The following SLC24A2 variants were observed in gnomAD, a reference collection of about 807,000 sequenced individuals.
SLC24A2 encodes sodium/potassium/calcium exchanger 2.
A neutral mutation model predicts 62.0 loss-of-function variants in SLC24A2; 36 were observed. That is an observed-to-expected ratio of 0.58 (90% CI 0.44 to 0.77). The LOEUF (loss-of-function observed/expected upper bound fraction) is 0.77. Ranked by LOEUF, SLC24A2 falls within the 30% of genes least tolerant of loss-of-function variation. The probability of loss-of-function intolerance (pLI) is 0.00; values close to 1 mark genes in which losing one functional copy is unlikely to be tolerated. For missense variants in SLC24A2, 846 were observed against 817.9 expected, an observed-to-expected ratio of 1.03 and a Z score of -0.42; for synonymous variants, 358 against 294.0, an observed-to-expected ratio of 1.22 and a Z score of -2.23.
the SLC24A2 span, among the ~76,000 whole-genome samples, chr9:20,071,742 C>G: frequency 6.6e-6 from 1 of 152,076 alleles, no homozygotes; most frequent in Non-Finnish European, 1.5e-5. Context: ...TCTGGATAGA[C>G]AGTTTCAGAA....
At chr9:19,872,864 A>C in the SLC24A2 span, among the ~76,000 whole-genome samples, 1 of 152,288 alleles carries the variant, frequency 6.6e-6, no homozygotes, top group African/African-American at 2.4e-5. Flanking sequence ...GGGTCAGAGA[A>C]GAATCAAGTT....
At chr9:19,879,668 CGCTGATTAGAACTAAAT>C in the SLC24A2 span, among the ~76,000 whole-genome samples, 1 of 152,184 alleles carries the variant, frequency 6.6e-6, no homozygotes, top group East Asian at 1.9e-4. Context: ...GTAGGGGGCA[CGCTGATTAGAACTAAAT>C]GCTCTTGAGT....
At chr9:19,762,444 C>T (rs1282563308) in intron 2 of SLC24A2, among the ~76,000 whole-genome samples, 1 of 152,082 alleles carries the variant, frequency 6.6e-6, no homozygotes, top group African/African-American at 2.4e-5. Context: ...GGTTTTAGGT[C>T]TTACGTTTAA....
At position 19,516,088 on chromosome 9, in the gene SLC24A2, GGAGCCCA is replaced by G. The variant is rs1589114917; in HGVS notation, c.*58_*64del. On this transcript the variant is annotated 3_prime_UTR_variant, in exon 11 of 11. Coordinates refer to ENST00000341998, the MANE Select transcript of SLC24A2 (RefSeq NM_020344.4). Reference sequence around the variant, plus strand: ...CAGCTGCCTCTTCTCAAGAGGTCAAGGAGCCCAGAGCCCAGAGTGTGGAGGGACCATT... The same window carrying G: ...CAGCTGCCTCTTCTCAAGAGGTCAAGGAGCCCAGAGTGTGGAGGGACCATT... 3.7e-6 allele frequency: 6 copies of G among 1,603,670 alleles called. No homozygotes were observed. The East Asian group carries it at 8.9e-5, about 24-fold the overall frequency.
In SLC24A2 at chr9:19,698,081, A is replaced by C. The variant is rs59221996; in HGVS notation, c.931-75782T>G. 0.011 allele frequency among the ~76,000 whole-genome samples: 1,642 copies of C among 152,282 alleles called. 85 individuals are homozygous for C. In the South Asian group the frequency reaches 0.12, roughly 11 times the overall value. Reference sequence around the variant, plus strand: ...TATCTTATTTAAATGATTTAAGTTTATTCTAGCAAGTGCTTCTAAGGTGGA... The same window carrying C: ...TATCTTATTTAAATGATTTAAGTTTCTTCTAGCAAGTGCTTCTAAGGTGGA... On this transcript the variant is annotated intron_variant, in intron 2 of 10. Transcript: ENST00000341998.
intron 2 of SLC24A2, among the ~76,000 whole-genome samples, chr9:19,719,804 T>C (rs1399574046): frequency 1.3e-5 from 2 of 152,232 alleles, no homozygotes; most frequent in African/African-American, 4.8e-5. Context: ...TTTTGAATCA[T>C]GCTCTCTTTG....
chr9:20,114,274 T>C, the SLC24A2 span, among the ~76,000 whole-genome samples: 1 of 152,186 alleles, frequency 6.6e-6, no homozygotes, highest in African/African-American at 2.4e-5. Context: ...TTCATGCAGC[T>C]CACACAGGGC....
intron 2 of SLC24A2, among the ~76,000 whole-genome samples, chr9:19,674,048 A>C (rs1008920297): frequency 6.6e-6 from 1 of 152,166 alleles, no homozygotes; most frequent in Non-Finnish European, 1.5e-5. Flanking sequence ...TTCTTTTAGC[A>C]GTTCTTATAG....
chr9:19,535,651 T>C (rs759688249), intron 8 of SLC24A2, among the ~76,000 whole-genome samples: 2 of 152,180 alleles, frequency 1.3e-5, no homozygotes, highest in African/African-American at 4.8e-5. Flanking sequence ...TTGTCAAAGA[T>C]TAGATGATTG....
Position 19,508,044 on chromosome 9 carries a change from A to G in SLC24A2, c.*8109T>C, listed in dbSNP as rs547928615. The G allele has an allele frequency of 1.3e-5, 2 of 152,366 alleles. No homozygotes were observed. Among genetic ancestry groups the G allele is most frequent in the South Asian group, 4.1e-4 (2 of 4,830 alleles). The allele number at this position is 152,366 out of a possible 1,614,324, so 9.4% of individuals were successfully genotyped here. ...CAAAAGTATAATTTCTCTTGCTTTT[A>G]GTGCTAGCAGCAACTTCACTGAATC... On this transcript the variant is annotated 3_prime_UTR_variant, in exon 11 of 11. Transcript: ENST00000341998.
At chr9:19,935,231 G>GGT in the SLC24A2 span, among the ~76,000 whole-genome samples, 7 of 150,472 alleles carry the variant, frequency 4.7e-5, no homozygotes, top group African/African-American at 1.7e-4. Flanking sequence ...TGGGGGGTGG[G>GGT]GTGTGTGTGT....
chr9:19,947,146 A>G, the SLC24A2 span, among the ~76,000 whole-genome samples: 3 of 152,162 alleles, frequency 2.0e-5, no homozygotes, highest in Non-Finnish European at 4.4e-5. Context: ...TTTACAATCA[A>G]TCAGCCAGAC....
At chr9:19,523,225 G>T (rs955539483) in intron 9 of SLC24A2, among the ~76,000 whole-genome samples, 1 of 152,142 alleles carries the variant, frequency 6.6e-6, no homozygotes, top group Non-Finnish European at 1.5e-5. Flanking sequence ...AATTGAAGAG[G>T]AGAAAAATGG....
the SLC24A2 span, among the ~76,000 whole-genome samples, chr9:20,076,353 A>T: frequency 1.4e-3 from 207 of 152,314 alleles, 2 homozygotes; most frequent in African/African-American, 4.6e-3. Context: ...ATTGGCACCC[A>T]GTTTCTTGAC....
chr9:19,724,671 C>T (rs1302131604), intron 2 of SLC24A2, among the ~76,000 whole-genome samples: 1 of 152,144 alleles, frequency 6.6e-6, no homozygotes, highest in African/African-American at 2.4e-5. Context: ...TAATTACCTC[C>T]AGTTGCTTTT....
At chr9:20,237,982 A>G in the SLC24A2 span, among the ~76,000 whole-genome samples, 1 of 152,168 alleles carries the variant, frequency 6.6e-6, no homozygotes, top group Non-Finnish European at 1.5e-5. Context: ...GGAGGTGACA[A>G]CCACACTCCA....
the SLC24A2 span, among the ~76,000 whole-genome samples, chr9:19,904,507 G>C: frequency 6.6e-6 from 1 of 152,206 alleles, no homozygotes; most frequent in Non-Finnish European, 1.5e-5. Flanking sequence ...AGATTAATCA[G>C]AGGTGGAAAG....
chr9:19,591,209 T>C (rs1464842312), intron 5 of SLC24A2, among the ~76,000 whole-genome samples: 1 of 152,208 alleles, frequency 6.6e-6, no homozygotes, highest in Admixed American at 6.5e-5. Context: ...CTCTATCCCA[T>C]GCTCCATACT....
chr9:19,601,157 T>C (rs1397587600), intron 4 of SLC24A2, among the ~76,000 whole-genome samples: 3 of 151,624 alleles, frequency 2.0e-5, no homozygotes, highest in Non-Finnish European at 4.4e-5. Flanking sequence ...GATTGTAAAA[T>C]GCACCAATCA....
Sources: gnomAD v4.1 joint callset for allele counts (sites outside exome capture counted in the v4.1 genomes callset) on GRCh38, gnomAD v4.1.1 for gene constraint, MANE v1.5 for transcripts, NCBI Gene and HGNC (gene_info 2026-07-23, HGNC 2026-07-21) for gene names.